Variants in RBPJ observed in about 807,000 individuals in gnomAD.
The protein encoded by RBPJ is recombination signal binding protein for immunoglobulin kappa J region.
A neutral mutation model predicts 67.8 loss-of-function variants in RBPJ; 9 were observed. That is an observed-to-expected ratio of 0.13 (90% CI 0.08 to 0.23). RBPJ has a LOEUF of 0.23. Ranked by LOEUF, RBPJ falls within the 10% of genes least tolerant of loss-of-function variation. RBPJ has a pLI of 1.00. For missense variants in RBPJ, 305 were observed against 595.6 expected (o/e 0.51, Z 5.08); for synonymous variants, 198 against 203.3 (o/e 0.97, Z 0.22).
intron 1 of RBPJ, among the ~76,000 whole-genome samples, chr4:26,244,975 TAATATTAATATTTTATTTTATTA>T (rs1719878798): frequency 6.6e-6 from 1 of 151,082 alleles, no homozygotes; most frequent in Non-Finnish European, 1.5e-5. Flanking sequence ...GATTGTTATT[TAATATTAATATTTTATTTTATTA>T]ATATTAAATA....
At chr4:26,179,506 G>A (rs1716907434) in intron 1 of RBPJ, among the ~76,000 whole-genome samples, 1 of 151,904 alleles carries the variant, frequency 6.6e-6, no homozygotes, top group Non-Finnish European at 1.5e-5. Context: ...ATTCACGCAA[G>A]TACTTATGTA....
chr4:26,230,317 G>A (rs1480166228), intron 1 of RBPJ, among the ~76,000 whole-genome samples: 2 of 152,094 alleles, frequency 1.3e-5, no homozygotes, highest in Non-Finnish European at 2.9e-5. Context: ...GCAAACTTCG[G>A]TTTTAACTTA....
At chr4:26,367,794 A>G (rs924804291) in intron 1 of RBPJ, 4 of 152,230 alleles carry the variant, frequency 2.6e-5, no homozygotes, top group African/African-American at 9.6e-5. Flanking sequence ...ATATTTTAAA[A>G]TAAATAAGGC....
chr4:26,425,245 C>G (rs945656943), intron 7 of RBPJ, among the ~76,000 whole-genome samples: 1 of 152,106 alleles, frequency 6.6e-6, no homozygotes, highest in African/African-American at 2.4e-5. Flanking sequence ...ATTGGTATTT[C>G]TAACTGGGAG....
chr4:26,430,276 G>C lies in RBPJ; in HGVS notation c.1045-143G>C, dbSNP rs1445269108. 1 of 853,944 alleles carries C rather than the reference G, an allele frequency of 1.2e-6. No individual in the cohort carries two copies. Among genetic ancestry groups the C allele is most frequent in the East Asian group, 2.6e-5 (1 of 38,002 alleles). The allele number at this position is 853,944 out of a possible 1,614,324, so 52.9% of individuals were successfully genotyped here. On this transcript the variant is annotated intron_variant, in intron 9 of 10. Transcript: ENST00000355476. The surrounding 1 kb of genome is among the most constrained non-coding windows in gnomAD (Gnocchi z 4.1). ...ATAAACTTGTATGTTATCTTGAAAT[G>C]TTTTTAGCTAGCTTTGTAATAAAAA...
intron 1 of RBPJ, among the ~76,000 whole-genome samples, chr4:26,219,973 C>T (rs988392075): frequency 4.0e-5 from 6 of 151,236 alleles, no homozygotes; most frequent in Middle Eastern, 3.4e-3. Context: ...TTAGTAGAGA[C>T]GGGGTTTCAC....
intron 1 of RBPJ, among the ~76,000 whole-genome samples, chr4:26,313,050 G>A (rs995016825): frequency 6.6e-6 from 1 of 152,104 alleles, no homozygotes; most frequent in Non-Finnish European, 1.5e-5. Flanking sequence ...AGCCTCCTGA[G>A]TAGCTGGGAT....
chr4:26,420,302 T>A (rs146107736), intron 4 of RBPJ, among the ~76,000 whole-genome samples: 24 of 152,340 alleles, frequency 1.6e-4, no homozygotes, highest in African/African-American at 5.3e-4. Context: ...GCTGTTTTTT[T>A]AAATGGTCTT....
intron 1 of RBPJ, among the ~76,000 whole-genome samples, chr4:26,178,862 T>C (rs1228013590): frequency 6.6e-6 from 1 of 152,100 alleles, no homozygotes; most frequent in East Asian, 1.9e-4. Context: ...GAATCTTAAA[T>C]GTTCTCCACT....
At chr4:26,119,416 A>G in the RBPJ span, among the ~76,000 whole-genome samples, 1 of 152,182 alleles carries the variant, frequency 6.6e-6, no homozygotes, top group Non-Finnish European at 1.5e-5. Context: ...TAAAGAAAGT[A>G]TGGACCCTTT....
chr4:26,118,037 C>T, the RBPJ span, among the ~76,000 whole-genome samples: 1 of 151,656 alleles, frequency 6.6e-6, no homozygotes, highest in Non-Finnish European at 1.5e-5. Flanking sequence ...AAATATATAT[C>T]ACAAATATGT....
chr4:26,413,332 C>G (rs1435037313), intron 3 of RBPJ, among the ~76,000 whole-genome samples: 1 of 152,184 alleles, frequency 6.6e-6, no homozygotes, highest in Non-Finnish European at 1.5e-5. Context: ...CTTGGGCCGT[C>G]CCCATTTCAA....
In RBPJ at chr4:26,433,456, T is replaced by A. The variant is rs1736405559; in HGVS notation, c.*2449T>A. ...ATACTTTTGAAGAACAAACTATTCC[T>A]TACCCATTTTTGTAGCTCAAAAATA... On this transcript the variant is annotated 3_prime_UTR_variant, in exon 11 of 11. Transcript: ENST00000355476. 6.6e-6 allele frequency: 1 copy of A among 152,230 alleles called. No homozygotes were observed. The highest frequency in any genetic ancestry group is 1.5e-5 in the Non-Finnish European group (1 of 68,040). The allele number at this position is 152,230 out of a possible 1,614,324, so 9.4% of individuals were successfully genotyped here.
chr4:26,241,215 A>T lies in RBPJ; in HGVS notation c.-167+77601A>T, dbSNP rs187054953. 4.8e-3 allele frequency among the ~76,000 whole-genome samples: 725 copies of T among 151,946 alleles called. 4 individuals carry two copies. Among genetic ancestry groups the T allele is most frequent in the African/African-American group, 0.017 (696 of 41,512 alleles). On this transcript the variant is annotated intron_variant, in intron 1 of 4. Transcript: ENST00000512351. The stretch of plus-strand genomic sequence containing the variant: ...CTGTCTCCAAAAATAAAAAAAAAAA[A>T]AAAAAAATTGAGCACTTTCCACCAC...
intron 1 of RBPJ, among the ~76,000 whole-genome samples, chr4:26,189,184 TCCTG>T (rs570152690): frequency 4.6e-4 from 70 of 152,290 alleles, no homozygotes; most frequent in Non-Finnish European, 5.4e-4. Flanking sequence ...GCTACTGTAC[TCCTG>T]CCTGGGCAAC....
intron 3 of RBPJ, among the ~76,000 whole-genome samples, chr4:26,408,340 A>G (rs531080679): frequency 6.6e-6 from 1 of 152,258 alleles, no homozygotes; most frequent in South Asian, 2.1e-4. Context: ...AAAGATGGGA[A>G]GAAGTTGGTA....
At chr4:26,135,206 A>G in the RBPJ span, among the ~76,000 whole-genome samples, 1 of 152,018 alleles carries the variant, frequency 6.6e-6, no homozygotes, top group Admixed American at 6.6e-5. Flanking sequence ...ATCTCTCTCC[A>G]TTACTAAAGA....
intron 1 of RBPJ, among the ~76,000 whole-genome samples, chr4:26,222,322 C>T (rs1472325898): frequency 6.6e-6 from 1 of 151,790 alleles, no homozygotes; most frequent in Non-Finnish European, 1.5e-5. Flanking sequence ...GGTGAAAATC[C>T]GTCTGTACTA....
At chr4:26,211,230 A>G (rs1718412296) in intron 1 of RBPJ, among the ~76,000 whole-genome samples, 1 of 152,150 alleles carries the variant, frequency 6.6e-6, no homozygotes, top group African/African-American at 2.4e-5. Context: ...TTCTGTACAT[A>G]TGCCTAGTAG....
Sources: allele counts gnomAD v4.1 joint callset (sites outside exome capture counted in the v4.1 genomes callset), GRCh38; gene constraint gnomAD v4.1.1; non-coding constraint Gnocchi (gnomAD v3.1); transcripts MANE v1.5; gene names NCBI Gene and HGNC (gene_info 2026-07-23, HGNC 2026-07-21).